Variants in PACS1 observed in about 807,000 individuals in gnomAD.
The protein encoded by PACS1 is phosphofurin acidic cluster sorting protein 1.
A neutral mutation model predicts 115.0 loss-of-function variants in PACS1; 24 were observed. The observed-to-expected ratio is 0.21, with a 90% confidence interval of 0.15 to 0.29. The LOEUF (loss-of-function observed/expected upper bound fraction) is 0.29. PACS1 is among the 10% of genes least tolerant of loss of function. PACS1 has a pLI of 1.00. For missense variants in PACS1, 838 were observed against 1,251.2 expected (o/e 0.67, Z 4.98); for synonymous variants, 453 against 504.5 (o/e 0.90, Z 1.37).
chr11:66,193,890 G>A (rs1162634809), intron 2 of PACS1, among the ~76,000 whole-genome samples: 1 of 152,212 alleles, frequency 6.6e-6, no homozygotes, highest in African/African-American at 2.4e-5. Context: ...AGGCTGGCTA[G>A]CTTTGGTTTC....
rs575359207 is a variant in PACS1, at chr11:66,141,714, C to T, written c.357-51772C>T. Among the ~76,000 whole-genome samples the T allele has an allele frequency of 1.8e-4, 27 of 151,640 alleles. No homozygotes were observed. The South Asian group carries it at 5.6e-3, about 32-fold the overall frequency. Reference sequence around the variant, plus strand: ...CTTCTGGGCTCCAGTGATCCTGGTGCCTCAGCCTCCTACGTAATGGGCCCT... The same window carrying T: ...CTTCTGGGCTCCAGTGATCCTGGTGTCTCAGCCTCCTACGTAATGGGCCCT... On this transcript the variant is annotated intron_variant, in intron 1 of 23. Transcript: ENST00000320580.
intron 1 of PACS1, among the ~76,000 whole-genome samples, chr11:66,097,152 G>A (rs1305204254): frequency 1.3e-5 from 2 of 152,058 alleles, no homozygotes; most frequent in African/African-American, 2.4e-5. Flanking sequence ...ATTCTGAAGT[G>A]GCCCCCATGA....
intron 1 of PACS1, among the ~76,000 whole-genome samples, chr11:66,088,027 A>G (rs1857601915): frequency 6.6e-6 from 1 of 151,872 alleles, no homozygotes; most frequent in African/African-American, 2.4e-5. Context: ...CCGTGTGTGT[A>G]TCCTCTTTTA....
chr11:66,212,298 A>ATT (rs763631322), intron 4 of PACS1, among the ~76,000 whole-genome samples: 1 of 140,750 alleles, frequency 7.1e-6, no homozygotes, highest in African/African-American at 2.6e-5. Flanking sequence ...TGCCCAGCTA[A>ATT]TTTTTTTTTT....
At chr11:66,191,441 G>C (rs1387125861) in intron 1 of PACS1, among the ~76,000 whole-genome samples, 1 of 152,076 alleles carries the variant, frequency 6.6e-6, no homozygotes. Context: ...GTGGGGGCTG[G>C]GTATTTGGTC....
At chr11:66,107,824 C>A (rs997365485) in intron 1 of PACS1, among the ~76,000 whole-genome samples, 3 of 152,328 alleles carry the variant, frequency 2.0e-5, no homozygotes, top group Middle Eastern at 3.4e-3. Flanking sequence ...ACAAGTATTA[C>A]AACAGTCTGG....
chr11:66,084,835 C>T (rs1205094035), intron 1 of PACS1, among the ~76,000 whole-genome samples: 3 of 152,098 alleles, frequency 2.0e-5, no homozygotes, highest in Non-Finnish European at 4.4e-5. Flanking sequence ...TTTGTTTCCA[C>T]TTTTACCATT....
intron 2 of PACS1, among the ~76,000 whole-genome samples, chr11:66,204,551 A>G (rs1854888021): frequency 6.6e-6 from 1 of 152,198 alleles, no homozygotes; most frequent in Non-Finnish European, 1.5e-5. Context: ...GGAAGCACCT[A>G]AGTGTCCATC....
chr11:66,152,148 C>T (rs1363235193), intron 1 of PACS1, among the ~76,000 whole-genome samples: 2 of 151,984 alleles, frequency 1.3e-5, no homozygotes, highest in African/African-American at 2.4e-5. Context: ...GTGGGAGGAT[C>T]GTTTGAGCCC....
At position 66,233,541 on chromosome 11, in the gene PACS1, G is replaced by A. The variant is rs751072134; in HGVS notation, c.1839-244G>A. On this transcript the variant is annotated intron_variant, in intron 15 of 23. Coordinates refer to ENST00000320580, the MANE Select transcript of PACS1 (RefSeq NM_018026.4). This position sits in a 1 kb window ranked among gnomAD's most constrained non-coding sequence, Gnocchi z 4.5. Reference sequence around the variant, plus strand: ...CTGCGGGCATCCCAGGCACACTGCCGAGTCCTACGTTAGCCTCAGCTGTTC... The same window carrying A: ...CTGCGGGCATCCCAGGCACACTGCCAAGTCCTACGTTAGCCTCAGCTGTTC... 2.0e-4 allele frequency among the ~76,000 whole-genome samples: 30 copies of A among 152,308 alleles called. No individual in the cohort carries two copies. The highest frequency in any genetic ancestry group is 3.5e-4 in the Non-Finnish European group (24 of 68,032).
chr11:66,232,843 T>C, intron 14 of PACS1, 117 bp from the exon 15 acceptor site: 1 of 763,130 alleles, frequency 1.3e-6, no homozygotes, highest in Non-Finnish European at 2.2e-6. Context: ...AGCTTCGGTC[T>C]GAACTGCAGA....
chr11:66,235,529 T>C lies in PACS1; in HGVS notation c.2207+126T>C, dbSNP rs917932965. On this transcript the variant is annotated intron_variant, in intron 18 of 23. Coordinates refer to ENST00000320580, the MANE Select transcript of PACS1 (RefSeq NM_018026.4). The surrounding 1 kb of genome is among the most constrained non-coding windows in gnomAD (Gnocchi z 5.6). ...ATTCCTTCATAGGAACCCAAAAGGA[T>C]ATGAGTGGTTTTTACCACCACCTCC... 1.9e-5 allele frequency: 14 copies of C among 730,592 alleles called. No individual in the cohort carries two copies. The African/African-American group carries it at 2.1e-4, about 11-fold the overall frequency. 45.3% of individuals were successfully genotyped at this position (730,592 alleles called of 1,614,324 possible).
chr11:66,156,207 TATATATATATATATATATATA>T (rs1859351641), intron 1 of PACS1, among the ~76,000 whole-genome samples: 9 of 2,106 alleles, frequency 4.3e-3, no homozygotes, highest in Admixed American at 6.7e-3. Context: ...TTTTAAATTA[TATATATATATATATATATATA>T]TATATATATA....
intron 1 of PACS1, among the ~76,000 whole-genome samples, chr11:66,152,400 C>T (rs115257280): frequency 2.0e-5 from 3 of 151,980 alleles, no homozygotes; most frequent in Non-Finnish European, 2.9e-5. Context: ...TATCAGGTAG[C>T]CTAACATAAG....
chr11:66,072,217 C>T (rs1347896313), intron 1 of PACS1, among the ~76,000 whole-genome samples: 2 of 151,940 alleles, frequency 1.3e-5, no homozygotes, highest in African/African-American at 2.4e-5. Flanking sequence ...TGAGAATCAT[C>T]CATGTGGTAT....
chr11:66,240,372 G>A (rs774149699), intron 21 of PACS1, among the ~76,000 whole-genome samples: 11 of 152,204 alleles, frequency 7.2e-5, no homozygotes, highest in Non-Finnish European at 4.4e-5. Flanking sequence ...CGTGGTCAGC[G>A]CTGGGAAGGA....
At chr11:66,219,197 C>T (rs1018629765) in intron 7 of PACS1, among the ~76,000 whole-genome samples, 4 of 151,804 alleles carry the variant, frequency 2.6e-5, no homozygotes, top group African/African-American at 9.7e-5. Flanking sequence ...AGGAGAAAGG[C>T]CTGACTGGAA....
Position 66,210,381 on chromosome 11 carries a change from G to A in PACS1, c.464G>A (p.Arg155His). ...VKLQGSKRIL[R>H]SNEIVLPASG... ...TTTCAGGGTTCAAAAAGAATTCTTC[G>A]CTCCAACGAGATCGTCCTTCCAGCT... Residue 155 changes from arginine to histidine, a missense_variant, in exon 3 of 24, where the codon CGC (arginine) becomes CAC (histidine). Around this residue, in one of 6 missense-constraint regions of PACS1, gnomAD observed 223 missense variants for 354.0 expected, o/e 0.63. Coordinates refer to ENST00000320580, the MANE Select transcript of PACS1 (RefSeq NM_018026.4). 5 of 1,613,836 alleles carry A rather than the reference G, an allele frequency of 3.1e-6. No individual in the cohort carries two copies. Among genetic ancestry groups the A allele is most frequent in the Non-Finnish European group, 4.2e-6 (5 of 1,179,820 alleles).
chr11:66,233,949 G>A lies in PACS1; in HGVS notation c.1993+10G>A. On this transcript the variant is annotated intron_variant, in intron 16 of 23. Coordinates refer to ENST00000320580, the MANE Select transcript of PACS1 (RefSeq NM_018026.4). The surrounding 1 kb of genome is among the most constrained non-coding windows in gnomAD (Gnocchi z 4.5). ...CTCATCATCCCCCTCGGTAAAGACG[G>A]GAGGCACCAGGAGGGCGTCGGGCAT... 6.4e-7 allele frequency: 1 copy of A among 1,566,774 alleles called. No individual in the cohort carries two copies. Among genetic ancestry groups the A allele is most frequent in the East Asian group, 2.3e-5 (1 of 44,382 alleles).
Sources: allele counts gnomAD v4.1 joint callset (sites outside exome capture counted in the v4.1 genomes callset), GRCh38; gene constraint gnomAD v4.1.1; regional missense constraint gnomAD v4.1.1; non-coding constraint Gnocchi (gnomAD v3.1); transcripts MANE v1.5; gene names NCBI Gene and HGNC (gene_info 2026-07-23, HGNC 2026-07-21).